Variants in DLC1 observed in about 807,000 individuals in gnomAD.
The protein encoded by DLC1 is DLC1 Rho GTPase activating protein.
DLC1 carries 54 observed loss-of-function variants against 140.3 expected under a neutral mutation model. That is an observed-to-expected ratio of 0.38 (90% CI 0.31 to 0.48). The LOEUF (loss-of-function observed/expected upper bound fraction) is 0.48. Ranked by LOEUF, DLC1 falls within the 20% of genes least tolerant of loss-of-function variation. The pLI is 0.96. For synonymous variants in DLC1, 986 were observed against 728.1 expected, an observed-to-expected ratio of 1.35 and a Z score of -5.70; for missense variants, 2,536 against 1,907.0, an observed-to-expected ratio of 1.33 and a Z score of -6.14.
chr8:13,191,105 T>A, intron 5 of DLC1, among the ~76,000 whole-genome samples: 1 of 152,220 alleles, frequency 6.6e-6, no homozygotes, highest in Non-Finnish European at 1.5e-5. Flanking sequence ...AGAAAGGAAA[T>A]TACAAATGAC....
At position 13,393,619 on chromosome 8, in the gene DLC1, G is replaced by T. The variant is rs374247380; in HGVS notation, c.1248C>A (p.Asp416Glu). Residue 416 changes from aspartate (D) to glutamate (E), a missense_variant, in exon 4 of 18, where the codon GAC (aspartate) becomes GAA (glutamate). Physicochemically the swap from Asp to Glu is conservative, Grantham distance 45 (BLOSUM62 2). Coordinates refer to ENST00000276297, the MANE Select transcript of DLC1 (RefSeq NM_182643.3). ...VNQTRVNLSS[D>E]TESTDLPSST... is the part of the protein sequence containing the mutation. ...AAGATGGGAGGTCCGTGGACTCAGTGTCAGAAGACAAATTTACTCGTGTCT... is the reference window on the plus strand; with the variant it reads ...AAGATGGGAGGTCCGTGGACTCAGTTTCAGAAGACAAATTTACTCGTGTCT... 1.9e-6 allele frequency: 3 copies of T among 1,614,008 alleles called. No individual in the cohort carries two copies. The African/African-American group carries it at 4.0e-5, about 22-fold the overall frequency.
intron 1 of DLC1, among the ~76,000 whole-genome samples, chr8:13,504,621 G>A (rs970075575): frequency 3.3e-5 from 5 of 152,054 alleles, no homozygotes; most frequent in Admixed American, 6.5e-5. Context: ...AAATGTAATC[G>A]GAGAAAGAGA....
At chr8:13,215,774 C>A (rs1585927602) in intron 5 of DLC1, among the ~76,000 whole-genome samples, 1 of 152,146 alleles carries the variant, frequency 6.6e-6, no homozygotes, top group Non-Finnish European at 1.5e-5. Flanking sequence ...ATATTAAACA[C>A]CCAGTCTTAG....
chr8:13,593,391 A>G (rs990601859), intron 1 of DLC1, among the ~76,000 whole-genome samples: 1 of 152,128 alleles, frequency 6.6e-6, no homozygotes, highest in Non-Finnish European at 1.5e-5. Flanking sequence ...GCTCCCCAGA[A>G]GCTGAGTGTA....
chr8:13,288,200 T>C (rs1456985477), intron 5 of DLC1, among the ~76,000 whole-genome samples: 1 of 152,240 alleles, frequency 6.6e-6, no homozygotes, highest in Non-Finnish European at 1.5e-5. Flanking sequence ...ACAGTTGTTA[T>C]CTAAAGAGTT....
intron 5 of DLC1, among the ~76,000 whole-genome samples, chr8:13,258,182 G>A (rs1057246474): frequency 6.6e-6 from 1 of 152,164 alleles, no homozygotes; most frequent in Non-Finnish European, 1.5e-5. Context: ...AACAGTCTAA[G>A]CGTCACACTC....
chr8:13,154,220 C>T (rs1209670335), intron 5 of DLC1, among the ~76,000 whole-genome samples: 1 of 152,252 alleles, frequency 6.6e-6, no homozygotes, highest in Non-Finnish European at 1.5e-5. Flanking sequence ...GCTTGCGCTC[C>T]TCAGCCCTCG....
At chr8:13,604,079 A>G (rs17094721) in intron 1 of DLC1, among the ~76,000 whole-genome samples, 5,981 of 152,266 alleles carry the variant, frequency 0.039, 164 homozygotes, top group East Asian at 0.14. Context: ...TCCAAAGTGC[A>G]ATGATAATGT....
rs555776297 is a variant in DLC1 at position 13,594,148 on chromosome 8, G to A, written c.-126+10389C>T. ...TGCACTCCAGCCTGGGCAACAGAGC[G>A]AGACCTGGTCTCAAAAGAAGGAAAA... is the stretch of plus-strand genomic sequence containing the variant. On this transcript the variant is annotated intron_variant, in intron 1 of 1. Coordinates refer to the DLC1 transcript ENST00000631382. 5.4e-4 allele frequency among the ~76,000 whole-genome samples: 82 copies of A among 152,144 alleles called. No individual in the cohort carries two copies. The South Asian group carries it at 0.01, about 19-fold the overall frequency.
Position 13,123,507 on chromosome 8 carries a change from A to ATTTT in DLC1, c.1349-7854_1349-7851dup, listed in dbSNP as rs372704702. Among the ~76,000 whole-genome samples the ATTTT allele has an allele frequency of 7.9e-5, 11 of 139,970 alleles. 1 individual carries two copies. Among genetic ancestry groups the ATTTT allele is most frequent in the Admixed American group, 2.1e-4 (3 of 14,174 alleles). 91.8% of individuals were successfully genotyped at this position (139,970 alleles called of 152,430 possible). A position where few individuals can be genotyped will look rare whatever the true frequency, so the allele number is the denominator to read the frequency against. On this transcript the variant is annotated intron_variant, in intron 5 of 17. Transcript: ENST00000276297. ...AGGCGCCCGCCACCACAATGAGCTA[A>ATTTT]TTTTTTTTTTTTTTTTTTTAAGTAA...
intron 5 of DLC1, among the ~76,000 whole-genome samples, chr8:13,203,725 C>T (rs1285284624): frequency 6.6e-6 from 1 of 152,100 alleles, no homozygotes; most frequent in Non-Finnish European, 1.5e-5. Context: ...GGATTATTGA[C>T]AGAAGAGGAA....
At chr8:13,299,529 C>G (rs1259174436) in intron 5 of DLC1, among the ~76,000 whole-genome samples, 3 of 140,850 alleles carry the variant, frequency 2.1e-5, no homozygotes, top group Non-Finnish European at 4.5e-5. Context: ...TTGCCTCTCT[C>G]TATCTCCGCC....
At chr8:13,418,673 C>T (rs1260123820) in intron 2 of DLC1, among the ~76,000 whole-genome samples, 1 of 152,118 alleles carries the variant, frequency 6.6e-6, no homozygotes, top group Non-Finnish European at 1.5e-5. Context: ...GTTCTTTTGG[C>T]TTAGGATTGA....
At chr8:13,493,340 T>C (rs1198511714) in intron 2 of DLC1, among the ~76,000 whole-genome samples, 1 of 152,228 alleles carries the variant, frequency 6.6e-6, no homozygotes, top group Non-Finnish European at 1.5e-5. Context: ...CATATCTTGC[T>C]ACATTAGTCT....
At chr8:13,239,324 G>A (rs189988380) in intron 5 of DLC1, among the ~76,000 whole-genome samples, 1 of 152,048 alleles carries the variant, frequency 6.6e-6, no homozygotes, top group Non-Finnish European at 1.5e-5. Flanking sequence ...ATGCTGTGTA[G>A]GTCAAAACAC....
chr8:13,249,830 T>A (rs2117278889), intron 5 of DLC1, among the ~76,000 whole-genome samples: 1 of 152,338 alleles, frequency 6.6e-6, no homozygotes, highest in Non-Finnish European at 1.5e-5. Context: ...TTCTTTTTCA[T>A]TCTCAGGAGA....
At chr8:13,277,393 T>C (rs1831215671) in intron 5 of DLC1, among the ~76,000 whole-genome samples, 1 of 152,212 alleles carries the variant, frequency 6.6e-6, no homozygotes, top group Non-Finnish European at 1.5e-5. Context: ...TCTCTAACCA[T>C]ACTTCTACTT....
chr8:13,164,751 G>T (rs1378196418), intron 5 of DLC1, among the ~76,000 whole-genome samples: 1 of 152,174 alleles, frequency 6.6e-6, no homozygotes, highest in Non-Finnish European at 1.5e-5. Flanking sequence ...TTCTCCTTCA[G>T]AGCTTTCACA....
chr8:13,421,231 G>A (rs576478059), intron 2 of DLC1, among the ~76,000 whole-genome samples: 82 of 152,144 alleles, frequency 5.4e-4, no homozygotes, highest in Non-Finnish European at 9.7e-4. Context: ...CAGTATAGCT[G>A]CCTTATATTA....
Sources: gnomAD v4.1 joint callset for allele counts (sites outside exome capture counted in the v4.1 genomes callset) on GRCh38, gnomAD v4.1.1 for gene constraint, MANE v1.5 for transcripts, NCBI Gene and HGNC (gene_info 2026-07-23, HGNC 2026-07-21) for gene names.